SF3B3: variants seen among roughly 807,000 people sequenced by gnomAD.
The protein encoded by SF3B3 is SAP 130.
A neutral mutation model predicts 139.2 loss-of-function variants in SF3B3; 33 were observed. The ratio of observed to expected loss-of-function variants is 0.24; its 90% CI spans 0.18 to 0.32. The LOEUF (loss-of-function observed/expected upper bound fraction) is 0.32. SF3B3 is among the 10% of genes least tolerant of loss of function. The pLI, the probability that SF3B3 is intolerant of heterozygous loss-of-function variation, is 1.00. For synonymous variants in SF3B3, 596 were observed against 563.6 expected (o/e 1.06, Z -0.81); for missense variants, 818 against 1,509.4 (o/e 0.54, Z 7.59).
chr16:70,524,416 G>C (rs72792805), intron 1 of SF3B3: 1 of 152,386 alleles, frequency 6.6e-6, no homozygotes, highest in Admixed American at 6.5e-5. Flanking sequence ...GAGTTTAAAT[G>C]CGATGATGTT....
chr16:70,570,294 A>G, intron 24 of SF3B3, 145 bp downstream of exon 24: 1 of 672,844 alleles, frequency 1.5e-6, no homozygotes, highest in East Asian at 3.5e-5. Context: ...TTGGGGAGAT[A>G]GGAATCTTGA....
chr16:70,533,736 A>G (rs1377531870), intron 5 of SF3B3, among the ~76,000 whole-genome samples: 1 of 152,198 alleles, frequency 6.6e-6, no homozygotes, highest in African/African-American at 2.4e-5. Flanking sequence ...TTGCACTTCA[A>G]CTGATGTCTA....
Position 70,542,729 on chromosome 16 carries a change from C to CT in SF3B3, c.1233+905dup, listed in dbSNP as rs1470798177. Among the ~76,000 whole-genome samples the CT allele has an allele frequency of 9.4e-4, 126 of 134,150 alleles. 2 individuals are homozygous for CT. The highest frequency in any genetic ancestry group is 2.3e-3 in the African/African-American group (84 of 36,604). 88.0% of individuals were successfully genotyped at this position (134,150 alleles called of 152,430 possible). A position where few individuals can be genotyped will look rare whatever the true frequency, so the allele number is the denominator to read the frequency against. On this transcript the variant is annotated intron_variant, in intron 9 of 25. Transcript: ENST00000302516. ...ATTTCTTTTTTTTTCTTTTTTTTTT[C>CT]TTTTTTTTTTGAGATGGAGTCTCGC...
intron 6 of SF3B3, among the ~76,000 whole-genome samples, chr16:70,535,714 T>A (rs1411909425): frequency 6.6e-6 from 1 of 152,042 alleles, no homozygotes; most frequent in African/African-American, 2.4e-5. Context: ...AAACCAGGCA[T>A]ATTTGTTAGA....
At chr16:70,565,935 G>T (rs974336773) in intron 20 of SF3B3, among the ~76,000 whole-genome samples, 5 of 152,002 alleles carry the variant, frequency 3.3e-5, no homozygotes, top group Admixed American at 6.6e-5. Flanking sequence ...CGGCCAACAT[G>T]GTGAAAGCCT....
Position 70,539,155 on chromosome 16 carries a change from A to G in SF3B3, c.1015A>G (p.Met339Val), listed in dbSNP as rs1046268890. 1.1e-5 allele frequency: 17 copies of G among 1,614,148 alleles called. No homozygotes were observed. The highest frequency in any genetic ancestry group is 2.2e-5 in the East Asian group (1 of 44,890). ...YFDTVPVAAAMCVLKTGFLFV... is the reference protein window; with the variant it reads ...YFDTVPVAAAVCVLKTGFLFV... Reference sequence around the variant, plus strand: ...TGATACTGTACCCGTTGCTGCTGCCATGTGTGTGCTTAAAACAGGGTTCCT... The same window carrying G: ...TGATACTGTACCCGTTGCTGCTGCCGTGTGTGTGCTTAAAACAGGGTTCCT... Residue 339 changes from methionine to valine, a missense_variant, in exon 8 of 26, where the codon ATG becomes GTG. By Grantham distance (21) the Met-to-Val change is conservative (BLOSUM62 1). Transcript: ENST00000302516.
chr16:70,537,778 A>C (rs997318404), intron 6 of SF3B3, among the ~76,000 whole-genome samples: 1 of 152,120 alleles, frequency 6.6e-6, no homozygotes, highest in African/African-American at 2.4e-5. Context: ...ACTGTTGGAA[A>C]CGTTAAAAAA....
intron 11 of SF3B3, among the ~76,000 whole-genome samples, chr16:70,553,148 C>G (rs1369263968): frequency 6.6e-6 from 1 of 152,206 alleles, no homozygotes; most frequent in Non-Finnish European, 1.5e-5. Context: ...TTTCTAACTC[C>G]TGATCTCAGG....
rs2050504041 is a variant in SF3B3 at position 70,569,034 on chromosome 16, TC to T, written c.3166-7del. On this transcript the variant is annotated splice_polypyrimidine_tract_variant and splice_region_variant and intron_variant, in intron 22 of 25. Coordinates refer to ENST00000302516, the MANE Select transcript of SF3B3 (RefSeq NM_012426.5). ...CCCCAGCAGTGTGACTTGTGTCACT[TC>T]CTTGTAGGTGAGGCTCCCACCTAAC... 1 of 1,600,024 alleles carries T rather than the reference TC, an allele frequency of 6.2e-7. No homozygotes were observed. Among genetic ancestry groups the T allele is most frequent in the Non-Finnish European group, 8.5e-7 (1 of 1,171,918 alleles).
At position 70,571,855 on chromosome 16, in the gene SF3B3, T is replaced by C. The variant is rs200910823; in HGVS notation, c.*42T>C. 1,537 of 1,576,448 alleles carry C rather than the reference T, an allele frequency of 9.7e-4. 37 individuals are homozygous for C. The Admixed American group carries it at 0.028, about 29-fold the overall frequency. ...GGGGCTTGCCAGAGACTGTGTGTTT[T>C]GTTTCCCCCACCACCATCACTGCCA... On this transcript the variant is annotated 3_prime_UTR_variant, in exon 26 of 26. Coordinates refer to ENST00000302516, the MANE Select transcript of SF3B3 (RefSeq NM_012426.5).
intron 1 of SF3B3, among the ~76,000 whole-genome samples, chr16:70,525,832 G>GCGCCTGTTGTCCCAGCTA (rs1430221114): frequency 3.3e-5 from 5 of 151,568 alleles, no homozygotes; most frequent in African/African-American, 9.7e-5. Flanking sequence ...GTGGTGGCGG[G>GCGCCTGTTGTCCCAGCTA]CGCCTGTTGT....
chr16:70,564,838 A>G (rs2151793437), intron 18 of SF3B3, among the ~76,000 whole-genome samples: 1 of 152,200 alleles, frequency 6.6e-6, no homozygotes, highest in African/African-American at 2.4e-5. Flanking sequence ...GGTGTTTTCT[A>G]CTAATATGTA....
intron 6 of SF3B3, 98 bp downstream of exon 6, chr16:70,535,518 T>G: frequency 3.4e-6 from 2 of 589,956 alleles, no homozygotes; most frequent in South Asian, 3.4e-5. Context: ...TTTTGTAAAT[T>G]AAAAAAAAAA....
intron 2 of SF3B3, among the ~76,000 whole-genome samples, chr16:70,527,994 C>G (rs936547236): frequency 6.6e-6 from 1 of 151,820 alleles, no homozygotes; most frequent in Non-Finnish European, 1.5e-5. Context: ...CCAGGCTGAT[C>G]TCGAATTCCT....
rs780757865 is a variant in SF3B3 at position 70,535,411 on chromosome 16, C to T, written c.816C>T (p.Pro272=). ...GDQPDIRCPI[P]RRRNDLDDPE... ...AGCCAGATATCCGCTGTCCAATTCCCAGGAGGCGGGTAAGATCTTTGATAT... is the reference window on the plus strand; with the variant it reads ...AGCCAGATATCCGCTGTCCAATTCCTAGGAGGCGGGTAAGATCTTTGATAT... The change falls in exon 6 of 26, where the codon CCC becomes CCT. Residue 272 remains proline, a synonymous_variant. Transcript: ENST00000302516. 8 of 1,588,692 alleles carry T rather than the reference C, an allele frequency of 5.0e-6. No homozygotes were observed. The African/African-American group carries it at 1.1e-4, about 21-fold the overall frequency.
intron 11 of SF3B3, among the ~76,000 whole-genome samples, chr16:70,553,101 T>C (rs985386968): frequency 6.6e-6 from 1 of 152,188 alleles, no homozygotes; most frequent in Non-Finnish European, 1.5e-5. Context: ...ATTTATTTTT[T>C]AGTAGAGATG....
At chr16:70,540,055 G>A (rs1020925829) in intron 8 of SF3B3, among the ~76,000 whole-genome samples, 1 of 150,660 alleles carries the variant, frequency 6.6e-6, no homozygotes, top group Admixed American at 6.6e-5. Flanking sequence ...GATTACAGGC[G>A]TGAGCCACTG....
chr16:70,532,728 C>T (rs1333330447), intron 5 of SF3B3, 108 bp downstream of exon 5: 5 of 1,059,420 alleles, frequency 4.7e-6, no homozygotes, highest in Non-Finnish European at 5.5e-6. Context: ...TTGTTGTGAA[C>T]CTGAATACCT....
rs772422888 is a variant in SF3B3, at chr16:70,572,096, A to G, written c.*283A>G. On this transcript the variant is annotated 3_prime_UTR_variant, in exon 26 of 26. Transcript: ENST00000302516. ...CCCCATTCCCCAAAGCCATCCCTGC[A>G]TTGATATGTCTTGACTCTCCTGTCT... The G allele has an allele frequency of 3.2e-5, 19 of 594,972 alleles. 1 individual carries two copies. Among genetic ancestry groups the G allele is most frequent in the South Asian group, 2.9e-4 (19 of 65,792 alleles). 36.9% of individuals were successfully genotyped at this position (594,972 alleles called of 1,614,324 possible). A position where few individuals can be genotyped will look rare whatever the true frequency, so the allele number is the denominator to read the frequency against.
Sources: gnomAD v4.1 joint callset for allele counts (sites outside exome capture counted in the v4.1 genomes callset) on GRCh38, gnomAD v4.1.1 for gene constraint, MANE v1.5 for transcripts, NCBI Gene and HGNC (gene_info 2026-07-23, HGNC 2026-07-21) for gene names.